The following EIF2AK3 variants were observed in gnomAD, a reference collection of about 807,000 sequenced individuals.
The protein encoded by EIF2AK3 is eukaryotic translation initiation factor 2-alpha kinase 3.
A neutral mutation model predicts 113.5 loss-of-function variants in EIF2AK3; 50 were observed. That is an observed-to-expected ratio of 0.44 (90% CI 0.35 to 0.56). The LOEUF is 0.56. Among genes scored for constraint, EIF2AK3 ranks in the 20% least tolerant of loss-of-function variants. The pLI is 0.00. For missense variants in EIF2AK3, 1,185 were observed against 1,378.0 expected (o/e 0.86, Z 2.22); for synonymous variants, 448 against 495.4 (o/e 0.90, Z 1.27).
intron 2 of EIF2AK3, among the ~76,000 whole-genome samples, chr2:88,606,831 G>A (rs1675291377): frequency 6.6e-6 from 1 of 152,192 alleles, no homozygotes; most frequent in African/African-American, 2.4e-5. Flanking sequence ...CAGCATCAGA[G>A]CTGTCTGTTT....
At chr2:88,607,820 C>A (rs913292039) in intron 2 of EIF2AK3, among the ~76,000 whole-genome samples, 1 of 152,130 alleles carries the variant, frequency 6.6e-6, no homozygotes, top group African/African-American at 2.4e-5. Context: ...AGGGAAAGTT[C>A]AAAAATTTCT....
chr2:88,561,869 A>G (rs1407811791), intron 15 of EIF2AK3, among the ~76,000 whole-genome samples: 2 of 152,170 alleles, frequency 1.3e-5, no homozygotes, highest in African/African-American at 2.4e-5. Flanking sequence ...GAGAAAAAAA[A>G]AAGACTTTCA....
At chr2:88,626,623 G>A (rs567609237) in intron 1 of EIF2AK3, among the ~76,000 whole-genome samples, 1 of 152,334 alleles carries the variant, frequency 6.6e-6, no homozygotes, top group South Asian at 2.1e-4. Flanking sequence ...TGTGCGTAAG[G>A]AAAAAGAGGG....
intron 4 of EIF2AK3, among the ~76,000 whole-genome samples, chr2:88,592,311 A>G (rs1225334540): frequency 6.6e-6 from 1 of 152,226 alleles, no homozygotes; most frequent in Non-Finnish European, 1.5e-5. Context: ...AGAAAATTGA[A>G]TAAGATGATT....
Position 88,599,991 on chromosome 2 carries a change from C to G in EIF2AK3, c.439-4328G>C, listed in dbSNP as rs138296493. Among the ~76,000 whole-genome samples the G allele has an allele frequency of 2.0e-5, 3 of 152,188 alleles. No individual in the cohort carries two copies. In the South Asian group the frequency reaches 6.2e-4, roughly 32 times the overall value. ...ATCATTGACCATACTGAGAAAACTT[C>G]CTTATTTTAAAAGTTAAATGCTCAA... On this transcript the variant is annotated intron_variant, in intron 2 of 16. Coordinates refer to ENST00000303236, the MANE Select transcript of EIF2AK3 (RefSeq NM_004836.7).
chr2:88,581,665 T>C (rs933200039), intron 10 of EIF2AK3, among the ~76,000 whole-genome samples: 3 of 152,066 alleles, frequency 2.0e-5, no homozygotes, highest in African/African-American at 7.2e-5. Flanking sequence ...CTCATGGGAG[T>C]TGTTGGATCC....
chr2:88,587,721 T>C (rs1299516533), intron 8 of EIF2AK3, among the ~76,000 whole-genome samples: 1 of 152,186 alleles, frequency 6.6e-6, no homozygotes, highest in African/African-American at 2.4e-5. Context: ...ACTCAATACA[T>C]AGATATTAGG....
chr2:88,594,083 G>A (rs1674952913), intron 3 of EIF2AK3: 1 of 248,932 alleles, frequency 4.0e-6, no homozygotes, highest in Non-Finnish European at 6.4e-6. Context: ...TGCAGATGCA[G>A]GTGGGTGGAG....
At chr2:88,595,819 A>C in intron 2 of EIF2AK3, 156 bp from the exon 3 acceptor site, 1 of 779,238 alleles carries the variant, frequency 1.3e-6, no homozygotes, top group Non-Finnish European at 2.2e-6. Flanking sequence ...CCTTCTGAGT[A>C]GCACATGAAG....
At chr2:88,565,996 T>C (rs532686718) in intron 14 of EIF2AK3, among the ~76,000 whole-genome samples, 57 of 152,348 alleles carry the variant, frequency 3.7e-4, no homozygotes, top group Admixed American at 7.8e-4. Flanking sequence ...TAAAAATCTC[T>C]TCTGTATCTC....
chr2:88,627,466 T>G (rs747580678), upstream of EIF2AK3: 61 of 625,030 alleles, frequency 9.8e-5, no homozygotes, highest in Non-Finnish European at 1.4e-4. Flanking sequence ...TGACAGCCTA[T>G]CTCGGACATC....
At chr2:88,618,558 G>A (rs138385721) in intron 1 of EIF2AK3, among the ~76,000 whole-genome samples, 65 of 152,256 alleles carry the variant, frequency 4.3e-4, no homozygotes, top group Middle Eastern at 3.4e-3. Flanking sequence ...AGGTTCCCAC[G>A]TCTCATCCTA....
intron 15 of EIF2AK3, among the ~76,000 whole-genome samples, chr2:88,560,809 A>G (rs769185667): frequency 4.6e-5 from 7 of 150,582 alleles, no homozygotes; most frequent in Non-Finnish European, 7.4e-5. Flanking sequence ...AGAAGATATG[A>G]GTCATTTTGC....
intron 2 of EIF2AK3, among the ~76,000 whole-genome samples, chr2:88,611,766 G>A (rs1675463133): frequency 1.3e-5 from 2 of 152,102 alleles, no homozygotes; most frequent in Admixed American, 6.5e-5. Flanking sequence ...AAGTAGCTAG[G>A]ATTACAGGGG....
intron 1 of EIF2AK3, among the ~76,000 whole-genome samples, chr2:88,614,856 C>T (rs1675534316): frequency 6.6e-6 from 1 of 152,222 alleles, no homozygotes; most frequent in African/African-American, 2.4e-5. Flanking sequence ...ACTCCTACAT[C>T]TGTGCAGTTG....
At chr2:88,559,911 T>C (rs1187733951) in intron 15 of EIF2AK3, among the ~76,000 whole-genome samples, 2 of 152,226 alleles carry the variant, frequency 1.3e-5, no homozygotes, top group South Asian at 2.1e-4. Context: ...AATGCTCATA[T>C]GAACAGTTGT....
At chr2:88,579,478 CTG>C (rs748920365) in intron 11 of EIF2AK3, 38 bp downstream of exon 11, 71 of 1,611,330 alleles carry the variant, frequency 4.4e-5, no homozygotes, top group African/African-American at 9.4e-5. Context: ...TTAGATCACA[CTG>C]TGCTGATTTC....
Position 88,587,985 on chromosome 2 carries a change from A to T in EIF2AK3, c.1426T>A (p.Tyr476Asn). 2 of 1,569,002 alleles carry T rather than the reference A, an allele frequency of 1.3e-6. No individual in the cohort carries two copies. The highest frequency in any genetic ancestry group is 1.2e-5 in the South Asian group (1 of 85,270). ...AAAACTCAGTATTTTCACTTACCAT[A>T]TGGATACTGCAAGATTGAAAGTGCA... ...NGALSILQYP[Y>N]DNGYYLPYYK... The change falls in exon 8 of 17, where the codon TAT (tyrosine) becomes AAT (asparagine). Residue 476 changes from tyrosine (Y) to asparagine (N), a missense_variant. Around this residue, in one of 3 missense-constraint regions of EIF2AK3, gnomAD observed 877 missense variants for 1,024.2 expected, o/e 0.86. Coordinates refer to ENST00000303236, the MANE Select transcript of EIF2AK3 (RefSeq NM_004836.7).
intron 11 of EIF2AK3, among the ~76,000 whole-genome samples, chr2:88,578,706 G>C (rs1558649888): frequency 6.7e-6 from 1 of 149,844 alleles, no homozygotes; most frequent in Admixed American, 6.7e-5. Context: ...AAGCAACAAG[G>C]GCCTTCTACA....
Sources: gnomAD v4.1 joint callset for allele counts (sites outside exome capture counted in the v4.1 genomes callset) on GRCh38, gnomAD v4.1.1 for gene constraint, gnomAD v4.1.1 regional missense constraint, MANE v1.5 for transcripts, NCBI Gene and HGNC (gene_info 2026-07-23, HGNC 2026-07-21) for gene names.